The following RTN1 variants were observed in gnomAD, a reference collection of about 807,000 sequenced individuals.
RTN1 encodes the protein reticulon 1.
Under a neutral mutation model 65.5 loss-of-function variants are expected in RTN1, and 25 were observed. The observed-to-expected ratio is 0.38, with a 90% CI of 0.28 to 0.53. The LOEUF is 0.53. Among genes scored for constraint, RTN1 ranks in the 20% least tolerant of loss-of-function variants. The pLI, the probability that RTN1 is intolerant of heterozygous loss-of-function variation, is 0.79. For synonymous variants in RTN1, 471 were observed against 447.6 expected, an observed-to-expected ratio of 1.05 and a Z score of -0.66; for missense variants, 983 against 1,025.4, an observed-to-expected ratio of 0.96 and a Z score of 0.57.
rs568540223 is a variant in RTN1, at chr14:59,698,692, T to C, written c.1765+28227A>G. ...AGGTTTCCCCAGCCACGTGGAACTG[T>C]AAGTCCAAGTAAACATTTGTCTTTT... On this transcript the variant is annotated intron_variant, in intron 3 of 8. Transcript: ENST00000267484. Among the ~76,000 whole-genome samples, 27 of 152,360 alleles carry C rather than the reference T, an allele frequency of 1.8e-4. No individual in the cohort carries two copies. In the South Asian group the frequency reaches 5.6e-3, roughly 32 times the overall value.
chr14:59,650,121 A>G (rs971554712), intron 3 of RTN1, among the ~76,000 whole-genome samples: 2 of 152,220 alleles, frequency 1.3e-5, no homozygotes, highest in African/African-American at 4.8e-5. Context: ...GAAGCTGGAA[A>G]CCATCATCTG....
chr14:59,697,276 T>C (rs748110980), intron 3 of RTN1, among the ~76,000 whole-genome samples: 26 of 152,232 alleles, frequency 1.7e-4, no homozygotes, highest in Non-Finnish European at 3.4e-4. Context: ...TTCACAACTT[T>C]GTTATTATAC....
chr14:59,653,224 AT>A (rs992481152), intron 3 of RTN1, among the ~76,000 whole-genome samples: 1 of 152,232 alleles, frequency 6.6e-6, no homozygotes, highest in African/African-American at 2.4e-5. Flanking sequence ...CTGATTTCTC[AT>A]TAGAAACAAT....
intron 8 of RTN1, among the ~76,000 whole-genome samples, chr14:59,597,470 T>C (rs952377732): frequency 1.3e-5 from 2 of 152,270 alleles, no homozygotes; most frequent in Non-Finnish European, 2.9e-5. Flanking sequence ...AAGTGTTTTG[T>C]TAATTTGAAG....
At chr14:59,649,569 A>C (rs997397505) in intron 3 of RTN1, among the ~76,000 whole-genome samples, 23 of 151,494 alleles carry the variant, frequency 1.5e-4, no homozygotes, top group Admixed American at 1.3e-3. Flanking sequence ...ATAAAAAAAA[A>C]CCATCAAAAA....
chr14:59,798,745 A>G (rs1278678257), intron 1 of RTN1, among the ~76,000 whole-genome samples: 2 of 150,056 alleles, frequency 1.3e-5, no homozygotes, highest in Non-Finnish European at 3.0e-5. Flanking sequence ...CTCTTTTGCC[A>G]TATAATGTAA....
chr14:59,809,631 C>A (rs556072611), intron 1 of RTN1, among the ~76,000 whole-genome samples: 3 of 152,106 alleles, frequency 2.0e-5, no homozygotes, highest in Non-Finnish European at 4.4e-5. Flanking sequence ...TAAGCATGAA[C>A]TTTCAGAATT....
intron 1 of RTN1, among the ~76,000 whole-genome samples, chr14:59,830,049 T>C (rs1468524175): frequency 6.6e-6 from 1 of 152,202 alleles, no homozygotes; most frequent in Non-Finnish European, 1.5e-5. Context: ...TGAAATGCAT[T>C]TAATCTAGAA....
At chr14:59,764,707 T>C (rs1885816475) in intron 1 of RTN1, among the ~76,000 whole-genome samples, 1 of 152,200 alleles carries the variant, frequency 6.6e-6, no homozygotes, top group Non-Finnish European at 1.5e-5. Flanking sequence ...TCCCTATTTC[T>C]ACCCCATTCC....
At chr14:59,750,956 G>T (rs1230918129) in intron 1 of RTN1, among the ~76,000 whole-genome samples, 2 of 148,602 alleles carry the variant, frequency 1.3e-5, no homozygotes, top group Non-Finnish European at 3.0e-5. Context: ...GGGCTCAAAT[G>T]ATCCTTCTGC....
chr14:59,628,012 C>T (rs1259118283), intron 3 of RTN1, among the ~76,000 whole-genome samples: 2 of 151,540 alleles, frequency 1.3e-5, no homozygotes, highest in African/African-American at 4.9e-5. Context: ...TGGACCTCTG[C>T]TGGTCTATGG....
chr14:59,620,504 T>C (rs986983904), intron 3 of RTN1, among the ~76,000 whole-genome samples: 8 of 152,222 alleles, frequency 5.3e-5, no homozygotes, highest in African/African-American at 1.9e-4. Context: ...ATCTCATTAA[T>C]TCTTTTTGTA....
At chr14:59,710,789 C>T (rs1884402597) in intron 3 of RTN1, among the ~76,000 whole-genome samples, 1 of 152,176 alleles carries the variant, frequency 6.6e-6, no homozygotes, top group Admixed American at 6.5e-5. Context: ...TGAGTAAGCC[C>T]CACCACTGAC....
chr14:59,787,751 T>C (rs1017053444), intron 1 of RTN1, among the ~76,000 whole-genome samples: 7 of 152,068 alleles, frequency 4.6e-5, no homozygotes, highest in South Asian at 2.1e-4. Context: ...ACTGGGGTGA[T>C]TTGTATAACA....
Position 59,727,266 on chromosome 14 carries a change from G to T in RTN1, c.1418C>A (p.Ala473Asp). 1.3e-6 allele frequency: 2 copies of T among 1,513,676 alleles called. No individual in the cohort carries two copies. Among genetic ancestry groups the T allele is most frequent in the Non-Finnish European group, 1.8e-6 (2 of 1,130,146 alleles). The allele number at this position is 1,513,676 out of a possible 1,614,324, so 93.8% of individuals were successfully genotyped here. Reference sequence around the variant, plus strand: ...GGGGCTCTCCTCCGAGGCCGAGGAGGCGTCGCACGACTCGATGATGAGCTC... The same window carrying T: ...GGGGCTCTCCTCCGAGGCCGAGGAGTCGTCGCACGACTCGATGATGAGCTC... Reference protein sequence around the residue: ...DSELIIESCDASSASEESPKR... With the variant: ...DSELIIESCDDSSASEESPKR... Residue 473 changes from alanine to aspartate, a missense_variant, in exon 3 of 9, where the codon GCC becomes GAC. Ala to Asp is a moderately radical substitution (Grantham distance 126). Transcript: ENST00000267484. This position sits in a 1 kb window ranked among gnomAD's most constrained non-coding sequence, Gnocchi z 4.2.
chr14:59,662,780 T>C (rs1048809808), intron 3 of RTN1, among the ~76,000 whole-genome samples: 15 of 152,206 alleles, frequency 9.9e-5, no homozygotes, highest in Middle Eastern at 3.4e-3. Flanking sequence ...CACATACAAA[T>C]GGAAAAACAC....
chr14:59,626,892 G>A (rs545950010), intron 3 of RTN1, among the ~76,000 whole-genome samples: 1 of 152,312 alleles, frequency 6.6e-6, no homozygotes, highest in African/African-American at 2.4e-5. Flanking sequence ...GTATAAATTG[G>A]TCAAGATCAT....
At chr14:59,733,088 T>A (rs1884934125) in intron 2 of RTN1, among the ~76,000 whole-genome samples, 1 of 150,096 alleles carries the variant, frequency 6.7e-6, no homozygotes, top group Non-Finnish European at 1.5e-5. Flanking sequence ...GCTTTTTTTT[T>A]TTTTCTTTCT....
At chr14:59,840,596 C>G (rs1887293080) in intron 1 of RTN1, among the ~76,000 whole-genome samples, 1 of 152,180 alleles carries the variant, frequency 6.6e-6, no homozygotes, top group Non-Finnish European at 1.5e-5. Context: ...GTTTGCTACC[C>G]TATATCTTAT....
Sources: gnomAD v4.1 joint callset for allele counts (sites outside exome capture counted in the v4.1 genomes callset) on GRCh38, gnomAD v4.1.1 for gene constraint, Gnocchi (gnomAD v3.1) non-coding constraint, MANE v1.5 for transcripts, NCBI Gene and HGNC (gene_info 2026-07-23, HGNC 2026-07-21) for gene names.